Variants in RBFOX1 observed in about 807,000 individuals in gnomAD.
RBFOX1 encodes the protein RNA binding fox-1 homolog 1.
A neutral mutation model predicts 57.7 loss-of-function variants in RBFOX1; 8 were observed. The ratio of observed to expected loss-of-function variants is 0.14; its 90% CI spans 0.08 to 0.25. The LOEUF (loss-of-function observed/expected upper bound fraction) is 0.25, where lower values mean the gene tolerates loss of function less well. RBFOX1 is among the 10% of genes least tolerant of loss of function. RBFOX1 has a pLI of 1.00. For missense variants in RBFOX1, 611 were observed against 548.5 expected, an observed-to-expected ratio of 1.11 and a Z score of -1.14; for synonymous variants, 326 against 222.4, an observed-to-expected ratio of 1.47 and a Z score of -4.15.
At chr16:6,476,130 C>T (rs1281509697) in intron 2 of RBFOX1, among the ~76,000 whole-genome samples, 6 of 152,056 alleles carry the variant, frequency 3.9e-5, no homozygotes, top group African/African-American at 7.2e-5. Flanking sequence ...TGGCCAGGGA[C>T]GCCACCCTTT....
chr16:7,094,060 G>A (rs547507074), intron 4 of RBFOX1, among the ~76,000 whole-genome samples: 2 of 150,142 alleles, frequency 1.3e-5, no homozygotes, highest in East Asian at 3.9e-4. Context: ...AGTGCCAGAG[G>A]ATCAGAGCAA....
chr16:7,202,115 C>T (rs988888818), intron 4 of RBFOX1, among the ~76,000 whole-genome samples: 1 of 151,778 alleles, frequency 6.6e-6, no homozygotes, highest in African/African-American at 2.4e-5. Context: ...CAACAACAAC[C>T]ACAGCAATAT....
chr16:5,457,245 C>T (rs1300964443), intron 1 of RBFOX1, among the ~76,000 whole-genome samples: 1 of 152,288 alleles, frequency 6.6e-6, no homozygotes, highest in East Asian at 1.9e-4. Context: ...CAAGATCCTC[C>T]TGCCTCAGCC....
At chr16:6,266,765 T>C (rs1249475078) in intron 1 of RBFOX1, among the ~76,000 whole-genome samples, 4 of 151,916 alleles carry the variant, frequency 2.6e-5, no homozygotes, top group African/African-American at 7.3e-5. Context: ...AACAGAATCC[T>C]AGAAGAACCT....
chr16:6,402,933 T>C (rs1037441732), intron 2 of RBFOX1, among the ~76,000 whole-genome samples: 3 of 151,950 alleles, frequency 2.0e-5, no homozygotes, highest in Admixed American at 6.6e-5. Context: ...AGTAGACATG[T>C]TTTTTTTGTG....
At chr16:5,812,754 C>G (rs2055480227) in intron 3 of RBFOX1, among the ~76,000 whole-genome samples, 1 of 152,122 alleles carries the variant, frequency 6.6e-6, no homozygotes, top group Admixed American at 6.6e-5. Context: ...GATCCACCAC[C>G]TTGCTCGGCC....
intron 3 of RBFOX1, among the ~76,000 whole-genome samples, chr16:6,841,198 A>G (rs548752950): frequency 1.3e-5 from 2 of 152,270 alleles, no homozygotes; most frequent in South Asian, 4.1e-4. Context: ...AATGATTATG[A>G]AAAGATTTAG....
Position 6,339,846 on chromosome 16 carries a change from T to A in RBFOX1, c.-64+22789T>A, listed in dbSNP as rs902479579. Among the ~76,000 whole-genome samples, 5 of 151,734 alleles carry A rather than the reference T, an allele frequency of 3.3e-5. No individual in the cohort carries two copies. The South Asian group carries it at 6.2e-4, about 19-fold the overall frequency. ...CCACCATGCCCAGCTGATTTTTTTT[T>A]ATTTCTATTTTTAGTAGAGAGAGGG... On this transcript the variant is annotated intron_variant, in intron 2 of 15. Transcript: ENST00000550418.
chr16:6,940,917 C>T (rs888703014), intron 3 of RBFOX1, among the ~76,000 whole-genome samples: 1 of 148,392 alleles, frequency 6.7e-6, no homozygotes, highest in Admixed American at 6.7e-5. Flanking sequence ...CTGCTTTAGC[C>T]AGGATGGTTT....
At chr16:7,454,373 T>C (rs936530595) in intron 4 of RBFOX1, among the ~76,000 whole-genome samples, 8 of 152,228 alleles carry the variant, frequency 5.3e-5, no homozygotes, top group African/African-American at 1.9e-4. Flanking sequence ...TGCCAGATTT[T>C]CTTAAAACTG....
chr16:7,647,753 T>G (rs764002537), intron 11 of RBFOX1, among the ~76,000 whole-genome samples: 4 of 152,210 alleles, frequency 2.6e-5, no homozygotes, highest in Non-Finnish European at 2.9e-5. Context: ...CTGGGCATTT[T>G]GCATTGGCTT....
chr16:6,496,436 C>G (rs943333113), intron 2 of RBFOX1, among the ~76,000 whole-genome samples: 7 of 152,188 alleles, frequency 4.6e-5, no homozygotes, highest in Non-Finnish European at 7.3e-5. Context: ...ACAGCTAGAA[C>G]TGTTTCTCAG....
At chr16:6,758,055 C>A (rs768653097) in intron 3 of RBFOX1, among the ~76,000 whole-genome samples, 1 of 152,142 alleles carries the variant, frequency 6.6e-6, no homozygotes, top group Admixed American at 6.6e-5. Flanking sequence ...AAACTACTAT[C>A]TTCTTTATAC....
chr16:7,707,347 T>G (rs999257133), intron 14 of RBFOX1, among the ~76,000 whole-genome samples: 24 of 152,092 alleles, frequency 1.6e-4, no homozygotes, highest in African/African-American at 5.3e-4. Flanking sequence ...TGTATTGGAT[T>G]GGTATCACTT....
At chr16:5,829,012 G>C (rs1207974857) in intron 3 of RBFOX1, among the ~76,000 whole-genome samples, 2 of 152,156 alleles carry the variant, frequency 1.3e-5, no homozygotes, top group Admixed American at 1.3e-4. Context: ...TAGGGCTGCA[G>C]ATATCCGAAG....
In RBFOX1 at chr16:5,402,322, C is replaced by G. The variant is rs112717801; in HGVS notation, c.220-64894C>G. Among the ~76,000 whole-genome samples, 756 of 152,292 alleles carry G rather than the reference C, an allele frequency of 5.0e-3. 3 individuals are homozygous for G. The highest frequency in any genetic ancestry group is 0.016 in the African/African-American group (674 of 41,556). On this transcript the variant is annotated intron_variant, in intron 1 of 2. Transcript: ENST00000585867. ...GGTGCTCCCCATTGCCTAGGTCCAC[C>G]TGGAAGACATAGTGCTGGGGGTCCA...
intron 9 of RBFOX1, among the ~76,000 whole-genome samples, chr16:7,604,951 T>A (rs965632826): frequency 5.3e-5 from 8 of 152,272 alleles, no homozygotes; most frequent in African/African-American, 1.7e-4. Flanking sequence ...ATGAGATGGG[T>A]AACAGTGGAA....
chr16:6,988,511 T>C (rs948043957), intron 3 of RBFOX1, among the ~76,000 whole-genome samples: 1 of 152,014 alleles, frequency 6.6e-6, no homozygotes, highest in African/African-American at 2.4e-5. Context: ...TTTTTAAAAT[T>C]AGTCTTACCT....
At chr16:7,465,620 G>C (rs537232154) in intron 4 of RBFOX1, among the ~76,000 whole-genome samples, 28 of 152,174 alleles carry the variant, frequency 1.8e-4, no homozygotes, top group Non-Finnish European at 3.7e-4. Flanking sequence ...AGATTTGTCA[G>C]GAATATGCTG....
Sources: gnomAD v4.1 joint callset for allele counts (sites outside exome capture counted in the v4.1 genomes callset) on GRCh38, gnomAD v4.1.1 for gene constraint, MANE v1.5 for transcripts, NCBI Gene and HGNC (gene_info 2026-07-23, HGNC 2026-07-21) for gene names.